SEPTIN11: variants seen among roughly 807,000 people sequenced by gnomAD.
The protein encoded by SEPTIN11 is septin-11.
A neutral mutation model predicts 51.4 loss-of-function variants in SEPTIN11; 25 were observed. The observed-to-expected ratio is 0.49, with a 90% CI of 0.35 to 0.68. The LOEUF (loss-of-function observed/expected upper bound fraction) is 0.68, where lower values mean the gene tolerates loss of function less well. Ranked by LOEUF, SEPTIN11 falls within the 30% of genes least tolerant of loss-of-function variation. SEPTIN11 has a pLI of 0.00. For missense variants in SEPTIN11, 381 were observed against 520.8 expected (o/e 0.73, Z 2.61); for synonymous variants, 174 against 184.1 (o/e 0.95, Z 0.44).
chr4:76,950,920 T>C (rs1174474110), intron 1 of SEPTIN11, among the ~76,000 whole-genome samples: 1 of 152,206 alleles, frequency 6.6e-6, no homozygotes, highest in Non-Finnish European at 1.5e-5. Context: ...CTTTTCATCG[T>C]CGATGTTCAC....
rs374168106 is a variant in SEPTIN11 at position 77,019,730 on chromosome 4, C to T, written c.784+469C>T. ...TATATTTGGCACTGTGGGACATGGC[C>T]ACAGTCTAACCTGAAAGCTTGTCAC... On this transcript the variant is annotated intron_variant, in intron 6 of 9. Coordinates refer to ENST00000264893, the MANE Select transcript of SEPTIN11 (RefSeq NM_018243.4). 7.9e-5 allele frequency among the ~76,000 whole-genome samples: 12 copies of T among 152,238 alleles called. No homozygotes were observed. The East Asian group carries it at 1.5e-3, about 20-fold the overall frequency.
At chr4:77,005,291 C>G (rs1173243095) in intron 2 of SEPTIN11, among the ~76,000 whole-genome samples, 1 of 152,150 alleles carries the variant, frequency 6.6e-6, no homozygotes, top group Admixed American at 6.5e-5. Flanking sequence ...TGTTCTTGTT[C>G]TTGTAATATA....
Position 77,035,392 on chromosome 4 carries a change from G to A in SEPTIN11, c.*880G>A, listed in dbSNP as rs924749939. Reference sequence around the variant, plus strand: ...TTGTTCCCAGTGGGCTTAGAGGGAGGACCTGATGACTGATTCCAGGATACT... The same window carrying A: ...TTGTTCCCAGTGGGCTTAGAGGGAGAACCTGATGACTGATTCCAGGATACT... On this transcript the variant is annotated 3_prime_UTR_variant, in exon 10 of 10. Coordinates refer to ENST00000264893, the MANE Select transcript of SEPTIN11 (RefSeq NM_018243.4). 2.0e-6 allele frequency: 2 copies of A among 985,230 alleles called. No individual in the cohort carries two copies. Among genetic ancestry groups the A allele is most frequent in the Non-Finnish European group, 2.4e-6 (2 of 829,914 alleles). The allele number at this position is 985,230 out of a possible 1,614,324, so 61.0% of individuals were successfully genotyped here.
chr4:76,954,251 G>A (rs1009747398), intron 1 of SEPTIN11, among the ~76,000 whole-genome samples: 5 of 152,202 alleles, frequency 3.3e-5, no homozygotes, highest in Admixed American at 6.5e-5. Context: ...TTCTGTGCCT[G>A]TGTTTCTCTT....
chr4:77,036,290 T>C lies in SEPTIN11; in HGVS notation c.*1778T>C, dbSNP rs1727019921. ...TTGTTTTTGCTTTTGTTTTTTTAAA[T>C]AATTCTAGTCTGGAGCTAACTGTGG... is the stretch of plus-strand genomic sequence containing the variant. On this transcript the variant is annotated 3_prime_UTR_variant, in exon 10 of 10. Transcript: ENST00000264893. 9.9e-7 allele frequency: 1 copy of C among 1,008,932 alleles called. No homozygotes were observed. The highest frequency in any genetic ancestry group is 1.2e-6 in the Non-Finnish European group (1 of 844,932). 62.5% of individuals were successfully genotyped at this position (1,008,932 alleles called of 1,614,324 possible).
At chr4:77,039,565 C>T, downstream of SEPTIN11, 1 of 985,304 alleles carries the variant, frequency 1.0e-6, no homozygotes, top group African/African-American at 1.7e-5. Context: ...TGATCAGGAT[C>T]CTCAACCGTC....
At chr4:77,039,024 C>T (rs1418586094), downstream of SEPTIN11, 1 of 1,164,646 alleles carries the variant, frequency 8.6e-7, no homozygotes, top group Non-Finnish European at 1.1e-6. Flanking sequence ...TTTCTTAAGC[C>T]ATTAAGAATC....
intron 4 of SEPTIN11, 115 bp from the exon 5 acceptor site, chr4:77,014,741 C>T: frequency 1.0e-6 from 1 of 991,162 alleles, no homozygotes; most frequent in Non-Finnish European, 1.5e-6. Context: ...AAGTAGGAAA[C>T]ATCTTTATTT....
At chr4:76,972,789 A>C (rs901349062) in intron 1 of SEPTIN11, among the ~76,000 whole-genome samples, 36 of 152,320 alleles carry the variant, frequency 2.4e-4, no homozygotes, top group South Asian at 1.5e-3. Flanking sequence ...TCATCAAAAC[A>C]ATAATAAGTA....
At chr4:76,967,332 T>C (rs912690848) in intron 1 of SEPTIN11, among the ~76,000 whole-genome samples, 6 of 152,240 alleles carry the variant, frequency 3.9e-5, no homozygotes, top group African/African-American at 1.4e-4. Context: ...AGGTTCCGTG[T>C]TGAATTATTG....
intron 5 of SEPTIN11, among the ~76,000 whole-genome samples, chr4:77,016,480 ATATATATATATGTG>A (rs1478490036): frequency 6.9e-6 from 1 of 145,914 alleles, no homozygotes; most frequent in African/African-American, 2.5e-5. Flanking sequence ...AATACAAAAT[ATATATATATATGTG>A]TATATATATA....
intron 5 of SEPTIN11, among the ~76,000 whole-genome samples, chr4:77,016,633 C>CATATATATATATATATATATACACACAT (rs1725293549): frequency 1.4e-5 from 1 of 72,746 alleles, no homozygotes; most frequent in African/African-American, 5.2e-5. Context: ...TATATATACA[C>CATATATATATATATATATATACACACAT]ATATATATAT....
At chr4:76,958,915 C>T (rs1397047150) in intron 1 of SEPTIN11, 1 of 1,418,298 alleles carries the variant, frequency 7.1e-7, no homozygotes. Context: ...AAAATTCACC[C>T]ACCTTTTGTC....
rs533597237 is a variant in SEPTIN11 at position 77,036,650 on chromosome 4, CT to C, written c.*2148del. The C allele has an allele frequency of 1.1e-3, 1,563 of 1,388,448 alleles. No homozygotes were observed. The highest frequency in any genetic ancestry group is 2.8e-3 in the Admixed American group (101 of 35,566). The allele number at this position is 1,388,448 out of a possible 1,614,324, so 86.0% of individuals were successfully genotyped here. A position where few individuals can be genotyped will look rare whatever the true frequency, so the allele number is the denominator to read the frequency against. On this transcript the variant is annotated 3_prime_UTR_variant, in exon 10 of 10. Coordinates refer to ENST00000264893, the MANE Select transcript of SEPTIN11 (RefSeq NM_018243.4). ...AAAAGTCAAAAGAAACAAATAGAAG[CT>C]TTTTTTTTTAAAAAATGTATTGCTT... is the stretch of plus-strand genomic sequence containing the variant.
chr4:77,034,435 T>G, intron 9 of SEPTIN11, 62 bp from the exon 10 acceptor site: 2 of 1,380,386 alleles, frequency 1.4e-6, no homozygotes, highest in Non-Finnish European at 1.9e-6. Context: ...TCGCTCCTAA[T>G]TTTCCTTTCT....
In SEPTIN11 at chr4:77,019,565, G is replaced by A. The variant is rs117577533; in HGVS notation, c.784+304G>A. ...AGTTCTTCCCTAGGAGTTGGAGCTC[G>A]TTTCATCAGCCAAGTATTAAAAAGC... On this transcript the variant is annotated intron_variant, in intron 6 of 9. Coordinates refer to ENST00000264893, the MANE Select transcript of SEPTIN11 (RefSeq NM_018243.4). Among the ~76,000 whole-genome samples the A allele has an allele frequency of 5.3e-5, 8 of 152,340 alleles. No individual in the cohort carries two copies. In the East Asian group the frequency reaches 1.3e-3, roughly 26 times the overall value.
intron 1 of SEPTIN11, among the ~76,000 whole-genome samples, chr4:76,964,855 A>C (rs1373753301): frequency 6.6e-6 from 1 of 152,198 alleles, no homozygotes; most frequent in Non-Finnish European, 1.5e-5. Flanking sequence ...GGACCTTTAA[A>C]AGGTCAAAAG....
chr4:77,034,541 T>C lies in SEPTIN11; in HGVS notation c.*29T>C. The C allele has an allele frequency of 6.5e-7, 1 of 1,548,932 alleles. No individual in the cohort carries two copies. Among genetic ancestry groups the C allele is most frequent in the Non-Finnish European group, 8.7e-7 (1 of 1,152,700 alleles). On this transcript the variant is annotated 3_prime_UTR_variant, in exon 10 of 10. Transcript: ENST00000264893. ...CTGGCAAGCCAAGGATGTTCCCGCATTCACCTGCTTTTGCAGTAATATCGT... is the reference window on the plus strand; with the variant it reads ...CTGGCAAGCCAAGGATGTTCCCGCACTCACCTGCTTTTGCAGTAATATCGT...
intron 1 of SEPTIN11, among the ~76,000 whole-genome samples, chr4:76,952,137 T>G (rs1251739384): frequency 6.6e-6 from 1 of 152,194 alleles, no homozygotes; most frequent in African/African-American, 2.4e-5. Context: ...TTAAGTGTGG[T>G]CTCTGCAGTT....
Sources: allele counts gnomAD v4.1 joint callset (sites outside exome capture counted in the v4.1 genomes callset), GRCh38; gene constraint gnomAD v4.1.1; transcripts MANE v1.5; gene names NCBI Gene and HGNC (gene_info 2026-07-23, HGNC 2026-07-21).